Variants in FADS6 observed in about 807,000 individuals in gnomAD.
The protein encoded by FADS6 is fatty acid desaturase domain family, member 6.
In FADS6, 28 loss-of-function variants were observed where a neutral mutation model predicts 31.7. That is an observed-to-expected ratio of 0.88 (90% CI 0.66 to 1.21). The LOEUF is 1.21. Among genes scored for constraint, FADS6 ranks in the 50% most tolerant of loss-of-function variants. The pLI is 0.00. For missense variants in FADS6, 494 were observed against 504.2 expected, an observed-to-expected ratio of 0.98 and a Z score of 0.19; for synonymous variants, 191 against 213.1, an observed-to-expected ratio of 0.90 and a Z score of 0.90.
intron 2 of FADS6, among the ~76,000 whole-genome samples, chr17:74,884,406 T>C (rs547531337): frequency 1.1e-4 from 16 of 152,276 alleles, no homozygotes; most frequent in African/African-American, 3.9e-4. Context: ...GATATACTTA[T>C]ACAAAAATAT....
intron 4 of FADS6, 148 bp downstream of exon 4, chr17:74,880,920 C>T (rs1036554049): frequency 2.8e-5 from 23 of 812,320 alleles, no homozygotes; most frequent in Admixed American, 1.5e-4. Context: ...CAGGACGAGG[C>T]GAGGGCACAG....
chr17:74,883,678 T>C (rs2038596435), intron 2 of FADS6, among the ~76,000 whole-genome samples: 1 of 152,172 alleles, frequency 6.6e-6, no homozygotes, highest in Admixed American at 6.5e-5. Context: ...TTATTCTGTT[T>C]TGAGATGGAG....
chr17:74,878,049 C>G lies in FADS6; in HGVS notation c.*282G>C, dbSNP rs2038525083. 1 of 1,217,846 alleles carries G rather than the reference C, an allele frequency of 8.2e-7. No homozygotes were observed. Among genetic ancestry groups the G allele is most frequent in the Admixed American group, 4.1e-5 (1 of 24,108 alleles). The allele number at this position is 1,217,846 out of a possible 1,614,324, so 75.4% of individuals were successfully genotyped here. On this transcript the variant is annotated 3_prime_UTR_variant, in exon 6 of 6. Transcript: ENST00000612771. ...GGCTCAGATGGAGCAGGGGGAAGGA[C>G]CCAGCTCTTTAGTCCTGAGATGAAG...
Position 74,882,628 on chromosome 17 carries a change from C to T in FADS6, c.494G>A (p.Gly165Glu). 2 of 1,611,418 alleles carry T rather than the reference C, an allele frequency of 1.2e-6. No individual in the cohort carries two copies. Among genetic ancestry groups the T allele is most frequent in the Non-Finnish European group, 1.7e-6 (2 of 1,178,960 alleles). Residue 165 changes from glycine to glutamate, a missense_variant, in exon 3 of 6, where the codon GGG (glycine) becomes GAG (glutamate). Around this residue, in one of 2 missense-constraint regions of FADS6, gnomAD observed 454 missense variants for 438.5 expected, o/e 1.04. Coordinates refer to ENST00000612771, the MANE Select transcript of FADS6 (RefSeq NM_178128.6). ...HHAYTNVVGL[G>E]DSSTWRLPCL... is the part of the protein sequence containing the mutation. ...AGGCAGCCTCCACGTGCTGGAGTCC[C>T]CCAGGCCCACCACGTTGGTGTAGGC...
At chr17:74,876,195 G>C (rs549156676), downstream of FADS6, among the ~76,000 whole-genome samples, 10 of 152,298 alleles carry the variant, frequency 6.6e-5, no homozygotes, top group African/African-American at 2.4e-4. Context: ...AAGGCTCAGG[G>C]AATGCCTGTG....
At chr17:74,888,138 ACACACACACACACACACGCGCGCG>A (rs1298304823) in intron 2 of FADS6, among the ~76,000 whole-genome samples, 6 of 108,792 alleles carry the variant, frequency 5.5e-5, no homozygotes, top group Admixed American at 8.7e-5. Flanking sequence ...ACACACACAC[ACACACACACACACACACGCGCGCG>A]CGCGCGCGCG....
chr17:74,892,398 A>G (rs904532652), intron 2 of FADS6, 125 bp downstream of exon 2: 15 of 1,177,456 alleles, frequency 1.3e-5, no homozygotes, highest in Non-Finnish European at 1.8e-5. Flanking sequence ...CCGGCATACC[A>G]TCAGCTGCAG....
intron 2 of FADS6, among the ~76,000 whole-genome samples, chr17:74,892,161 T>G (rs977764291): frequency 6.6e-6 from 1 of 152,048 alleles, no homozygotes; most frequent in Non-Finnish European, 1.5e-5. Flanking sequence ...TCATCCGGAG[T>G]AAGGACGCTG....
intron 2 of FADS6, among the ~76,000 whole-genome samples, chr17:74,891,162 T>G (rs986878262): frequency 2.3e-4 from 33 of 143,688 alleles, no homozygotes; most frequent in African/African-American, 8.2e-4. Context: ...CTCAGCCTCC[T>G]GAGTAGCTGG....
intron 2 of FADS6, among the ~76,000 whole-genome samples, chr17:74,887,042 C>T (rs1045163895): frequency 6.7e-5 from 10 of 149,082 alleles, no homozygotes; most frequent in Admixed American, 4.7e-4. Context: ...AGCATGCACA[C>T]GCACACACAC....
intron 2 of FADS6, 117 bp downstream of exon 2, chr17:74,892,406 C>T: frequency 8.0e-7 from 1 of 1,248,684 alleles, no homozygotes. Context: ...CCATCAGCTG[C>T]AGCGGCCTGC....
At chr17:74,886,766 G>A (rs922195049) in intron 2 of FADS6, among the ~76,000 whole-genome samples, 4 of 152,072 alleles carry the variant, frequency 2.6e-5, no homozygotes, top group African/African-American at 9.7e-5. Flanking sequence ...ATTGGATTCT[G>A]GTGACCCCTG....
rs762710677 is a variant in FADS6 at position 74,892,600 on chromosome 17, C to T, written c.334G>A (p.Gly112Ser). ...GVCHYTLTVK[G>S]SHLATHGALT... is the part of the protein sequence containing the mutation. ...GCCCCATGAGTGGCCAGGTGGCTGC[C>T]CTTGACAGTGAGTGTGTAGTGGCAC... The change falls in exon 2 of 6, where the codon GGC becomes AGC. Residue 112 changes from glycine (G) to serine (S), a missense_variant. Transcript: ENST00000612771. 6.2e-7 allele frequency: 1 copy of T among 1,613,366 alleles called. No homozygotes were observed. The highest frequency in any genetic ancestry group is 2.2e-5 in the East Asian group (1 of 44,864).
At chr17:74,892,713 C>A in intron 1 of FADS6, 24 bp from the exon 2 acceptor site, 2 of 1,596,014 alleles carry the variant, frequency 1.3e-6, no homozygotes, top group Non-Finnish European at 8.5e-7. Context: ...AGGAAGAAGA[C>A]GGGTCTTTCT....
intron 2 of FADS6, among the ~76,000 whole-genome samples, chr17:74,891,346 G>T (rs1316371861): frequency 6.6e-6 from 1 of 151,922 alleles, no homozygotes; most frequent in Non-Finnish European, 1.5e-5. Context: ...CCTCAGTACA[G>T]CTTTTTTAAA....
At chr17:74,882,739 G>T in intron 2 of FADS6, 29 bp from the exon 3 acceptor site, 1 of 1,594,136 alleles carries the variant, frequency 6.3e-7, no homozygotes, top group East Asian at 2.3e-5. Context: ...AATGACACTG[G>T]GGTCCCTGTC....
intron 2 of FADS6, among the ~76,000 whole-genome samples, chr17:74,889,711 A>G: frequency 6.9e-6 from 1 of 145,432 alleles, no homozygotes. Flanking sequence ...ACAAAAATAC[A>G]AAAAAAAAAA....
Position 74,892,530 on chromosome 17 carries a change from A to G in FADS6, c.404T>C (p.Phe135Ser), listed in dbSNP as rs1385764617. The change falls in exon 2 of 6, where the codon TTT becomes TCT. Residue 135 changes from phenylalanine (F) to serine (S), a missense_variant. By Grantham distance (155) the Phe-to-Ser change is radical (BLOSUM62 -2). This residue lies in a region of FADS6 where 454 missense variants were observed against 438.5 expected (regional missense o/e 1.04). Coordinates refer to ENST00000612771, the MANE Select transcript of FADS6 (RefSeq NM_178128.6). ...TCCTTCTCCCAGGCTCACCTCCACA[A>G]AGAAAAGCAGCCAGATCTTGCTCCA... ...KRWSKIWLLF[F>S]VEVCTAFTAE... 1.9e-6 allele frequency: 3 copies of G among 1,612,476 alleles called. No individual in the cohort carries two copies. The highest frequency in any genetic ancestry group is 4.5e-5 in the East Asian group (2 of 44,848).
At position 74,892,517 on chromosome 17, in the gene FADS6, G is replaced by A; in HGVS notation, c.411+6C>T. ...GCTGCCTGCATCCTCCTTCTCCCAGGCTCACCTCCACAAAGAAAAGCAGCC... is the reference window on the plus strand; with the variant it reads ...GCTGCCTGCATCCTCCTTCTCCCAGACTCACCTCCACAAAGAAAAGCAGCC... On this transcript the variant is annotated splice_donor_region_variant and intron_variant, in intron 2 of 5. Transcript: ENST00000612771. The A allele has an allele frequency of 1.2e-6, 2 of 1,610,488 alleles. No individual in the cohort carries two copies. The highest frequency in any genetic ancestry group is 2.2e-5 in the South Asian group (2 of 90,260).
Sources: allele counts gnomAD v4.1 joint callset (sites outside exome capture counted in the v4.1 genomes callset), GRCh38; gene constraint gnomAD v4.1.1; regional missense constraint gnomAD v4.1.1; transcripts MANE v1.5; gene names NCBI Gene and HGNC (gene_info 2026-07-23, HGNC 2026-07-21).